Variants in MAP2 observed in about 807,000 individuals in gnomAD.
MAP2 encodes the protein microtubule-associated protein 2.
Under a neutral mutation model 137.6 loss-of-function variants are expected in MAP2, and 14 were observed. The observed-to-expected ratio is 0.10, with a 90% CI of 0.07 to 0.16. MAP2 has a LOEUF of 0.16. Ranked by LOEUF, MAP2 falls within the 10% of genes least tolerant of loss-of-function variation. MAP2 has a pLI of 1.00. For synonymous variants in MAP2, 786 were observed against 782.3 expected, an observed-to-expected ratio of 1.00 and a Z score of -0.08; for missense variants, 2,088 against 2,191.5, an observed-to-expected ratio of 0.95 and a Z score of 0.94.
intron 4 of MAP2, among the ~76,000 whole-genome samples, chr2:209,633,456 G>A (rs2093287643): frequency 2.6e-5 from 4 of 152,072 alleles, no homozygotes; most frequent in Admixed American, 1.3e-4. Flanking sequence ...CATGTTATTC[G>A]ATTTTAAACA....
intron 1 of MAP2, among the ~76,000 whole-genome samples, chr2:209,504,729 G>A (rs571956866): frequency 6.6e-6 from 1 of 152,040 alleles, no homozygotes; most frequent in African/African-American, 2.4e-5. Flanking sequence ...AAGTACATTC[G>A]CGTTGCTGTG....
intron 1 of MAP2, among the ~76,000 whole-genome samples, chr2:209,480,751 TA>T (rs1708531569): frequency 6.6e-6 from 1 of 152,182 alleles, no homozygotes; most frequent in Non-Finnish European, 1.5e-5. Flanking sequence ...ACGAAAATAT[TA>T]ATGCATATAC....
intron 2 of MAP2, among the ~76,000 whole-genome samples, chr2:209,517,861 G>C (rs1278509315): frequency 7.2e-6 from 1 of 139,402 alleles, no homozygotes; most frequent in Non-Finnish European, 1.5e-5. Flanking sequence ...TAACCAAACA[G>C]ATTTTTTTTT....
At chr2:209,663,664 A>G (rs768131076) in intron 5 of MAP2, among the ~76,000 whole-genome samples, 1 of 152,212 alleles carries the variant, frequency 6.6e-6, no homozygotes, top group Non-Finnish European at 1.5e-5. Context: ...AGGAATCAAG[A>G]TTCAGAGAAA....
chr2:209,604,532 C>T (rs2084019305), intron 3 of MAP2, among the ~76,000 whole-genome samples: 1 of 152,068 alleles, frequency 6.6e-6, no homozygotes, highest in South Asian at 2.1e-4. Context: ...AAAGGGATAT[C>T]CTCTTAAATG....
At chr2:209,559,536 A>C (rs2071510672) in intron 2 of MAP2, among the ~76,000 whole-genome samples, 1 of 150,172 alleles carries the variant, frequency 6.7e-6, no homozygotes, top group African/African-American at 2.5e-5. Flanking sequence ...CTGTAATCCC[A>C]GCTACTCAGG....
chr2:209,534,199 T>C (rs997156563), intron 2 of MAP2, among the ~76,000 whole-genome samples: 1 of 152,260 alleles, frequency 6.6e-6, no homozygotes, highest in African/African-American at 2.4e-5. Context: ...CTTGAGTATG[T>C]GTCCAGCACT....
chr2:209,504,041 A>T (rs2060721713), intron 1 of MAP2, among the ~76,000 whole-genome samples: 1 of 151,558 alleles, frequency 6.6e-6, no homozygotes, highest in Admixed American at 6.6e-5. Flanking sequence ...GGTTGCAGTG[A>T]GCTGAGATGG....
At chr2:209,673,888 C>A (rs1455874578) in intron 5 of MAP2, among the ~76,000 whole-genome samples, 1 of 151,692 alleles carries the variant, frequency 6.6e-6, no homozygotes, top group Non-Finnish European at 1.5e-5. Flanking sequence ...TAATCTCTGA[C>A]TTCAAAAAGA....
At chr2:209,722,292 C>G (rs2071440592) in intron 13 of MAP2, among the ~76,000 whole-genome samples, 1 of 152,132 alleles carries the variant, frequency 6.6e-6, no homozygotes, top group African/African-American at 2.4e-5. Flanking sequence ...ATGATATTTC[C>G]CTGCAAGGGA....
chr2:209,434,008 AGT>A (rs2149312935), intron 1 of MAP2, among the ~76,000 whole-genome samples: 1 of 152,218 alleles, frequency 6.6e-6, no homozygotes, highest in Admixed American at 6.6e-5. Context: ...ATTAAATAAC[AGT>A]GTAACACACA....
rs371840798 is a variant in MAP2, at chr2:209,428,878, G to A, written c.-222+4602G>A. 3.9e-5 allele frequency among the ~76,000 whole-genome samples: 6 copies of A among 151,914 alleles called. No homozygotes were observed. The East Asian group carries it at 9.7e-4, about 25-fold the overall frequency. Reference sequence around the variant, plus strand: ...TCCCTTAGGTTATAGGTAATTGCTCGCCTCAATGTGTCCTCATTAGCCTTC... The same window carrying A: ...TCCCTTAGGTTATAGGTAATTGCTCACCTCAATGTGTCCTCATTAGCCTTC... On this transcript the variant is annotated intron_variant, in intron 1 of 15. Transcript: ENST00000682079.
intron 3 of MAP2, among the ~76,000 whole-genome samples, chr2:209,610,598 A>C (rs988099131): frequency 1.3e-5 from 2 of 152,092 alleles, no homozygotes; most frequent in African/African-American, 4.8e-5. Context: ...CAAAAGTAAA[A>C]ACTTGTATTA....
At chr2:209,599,387 G>A in intron 3 of MAP2, among the ~76,000 whole-genome samples, 1 of 152,010 alleles carries the variant, frequency 6.6e-6, no homozygotes, top group Non-Finnish European at 1.5e-5. Flanking sequence ...CACCCAAAAA[G>A]CATACCTAAC....
intron 1 of MAP2, among the ~76,000 whole-genome samples, chr2:209,435,872 C>T (rs2149337569): frequency 6.8e-6 from 1 of 147,044 alleles, no homozygotes; most frequent in East Asian, 2.0e-4. Context: ...TGTAGTCAGT[C>T]AGTGAATAAT....
intron 5 of MAP2, among the ~76,000 whole-genome samples, chr2:209,657,945 C>T (rs1390894075): frequency 2.6e-5 from 4 of 152,092 alleles, no homozygotes; most frequent in Non-Finnish European, 1.5e-5. Flanking sequence ...TTTTCCAAAG[C>T]GTAAATAATA....
chr2:209,653,270 C>G lies in MAP2; in HGVS notation c.100C>G (p.Gln34Glu). The G allele has an allele frequency of 6.2e-7, 1 of 1,614,088 alleles. No individual in the cohort carries two copies. The highest frequency in any genetic ancestry group is 8.5e-7 in the Non-Finnish European group (1 of 1,179,996). The part of the protein sequence containing the change: ...AHSHPPEIKD[Q>E]GGAGEGLVRS... The stretch of plus-strand genomic sequence containing the variant: ...CTCACATCCACCTGAGATTAAGGAT[C>G]AAGGCGGAGCAGGGGAAGGACTTGT... Residue 34 changes from glutamine (Q) to glutamate (E), a missense_variant, in exon 5 of 16, where the codon CAA (glutamine) becomes GAA (glutamate). By Grantham distance (29) the Gln-to-Glu change is conservative. Transcript: ENST00000682079.
intron 2 of MAP2, among the ~76,000 whole-genome samples, chr2:209,528,270 G>C (rs187262267): frequency 1.3e-5 from 2 of 152,022 alleles, no homozygotes; most frequent in Non-Finnish European, 2.9e-5. Flanking sequence ...CAGCTCTTCA[G>C]GACAAATACT....
At chr2:209,472,892 T>C (rs542859448) in intron 1 of MAP2, among the ~76,000 whole-genome samples, 7 of 152,322 alleles carry the variant, frequency 4.6e-5, no homozygotes, top group East Asian at 3.9e-4. Flanking sequence ...GTCTGTCTTA[T>C]AGGAAAGAAC....
Sources: gnomAD v4.1 joint callset for allele counts (sites outside exome capture counted in the v4.1 genomes callset) on GRCh38, gnomAD v4.1.1 for gene constraint, MANE v1.5 for transcripts, NCBI Gene and HGNC (gene_info 2026-07-23, HGNC 2026-07-21) for gene names.